Variants in BMERB1 observed in about 807,000 individuals in gnomAD.
BMERB1 encodes bMERB domain-containing protein 1.
BMERB1 carries 12 observed loss-of-function variants against 23.6 expected under a neutral mutation model. The ratio of observed to expected loss-of-function variants is 0.51; its 90% confidence interval spans 0.33 to 0.82. The LOEUF (loss-of-function observed/expected upper bound fraction) is 0.82. Ranked by LOEUF, BMERB1 falls within the 40% of genes least tolerant of loss-of-function variation. The probability of loss-of-function intolerance (pLI) is 0.03; values close to 1 mark genes in which losing one functional copy is unlikely to be tolerated. For synonymous variants in BMERB1, 122 were observed against 96.6 expected (o/e 1.26, Z -1.54); for missense variants, 247 against 255.4 (o/e 0.97, Z 0.22).
chr16:15,506,073 A>T (rs1334139385), intron 1 of BMERB1, among the ~76,000 whole-genome samples: 1 of 151,642 alleles, frequency 6.6e-6, no homozygotes, highest in Non-Finnish European at 1.5e-5. Context: ...CATTTCTACC[A>T]CTCATTATAG....
At chr16:15,462,981 T>G (rs1278361135) in intron 1 of BMERB1, among the ~76,000 whole-genome samples, 1 of 152,178 alleles carries the variant, frequency 6.6e-6, no homozygotes, top group East Asian at 1.9e-4. Flanking sequence ...GCGGAGAGTT[T>G]CAAAAACTGG....
chr16:15,551,891 C>T (rs1429580060), intron 2 of BMERB1, among the ~76,000 whole-genome samples: 1 of 152,140 alleles, frequency 6.6e-6, no homozygotes, highest in Non-Finnish European at 1.5e-5. Context: ...CTCTCTTGAA[C>T]TCCTGCACTC....
intron 3 of BMERB1, among the ~76,000 whole-genome samples, chr16:15,578,665 G>A (rs950409414): frequency 9.9e-5 from 15 of 152,130 alleles, no homozygotes; most frequent in Admixed American, 6.5e-4. Flanking sequence ...GGCAGATACA[G>A]TGCCTGGTGA....
At chr16:15,479,765 G>T (rs1183100203) in intron 1 of BMERB1, among the ~76,000 whole-genome samples, 1 of 151,842 alleles carries the variant, frequency 6.6e-6, no homozygotes, top group African/African-American at 2.4e-5. Flanking sequence ...ACCATGTAAT[G>T]AATTTATAGT....
intron 3 of BMERB1, among the ~76,000 whole-genome samples, chr16:15,569,838 G>A (rs2030679104): frequency 6.6e-6 from 1 of 152,124 alleles, no homozygotes; most frequent in Non-Finnish European, 1.5e-5. Context: ...AATAATGGCA[G>A]TAGTCATTTA....
At chr16:15,508,757 T>G (rs1359354390) in intron 1 of BMERB1, among the ~76,000 whole-genome samples, 1 of 148,060 alleles carries the variant, frequency 6.8e-6, no homozygotes, top group Non-Finnish European at 1.5e-5. Context: ...GCCCGGGAGG[T>G]TGAGGCTGCA....
intron 1 of BMERB1, among the ~76,000 whole-genome samples, chr16:15,451,293 C>T (rs1224313689): frequency 6.6e-6 from 1 of 152,010 alleles, no homozygotes; most frequent in Non-Finnish European, 1.5e-5. Flanking sequence ...CGTGTTCAAA[C>T]GATTCTCCTG....
At chr16:15,532,707 G>A (rs1410002736) in intron 2 of BMERB1, among the ~76,000 whole-genome samples, 3 of 151,438 alleles carry the variant, frequency 2.0e-5, no homozygotes, top group South Asian at 2.1e-4. Flanking sequence ...CACCATGCCC[G>A]GCTAATTTTT....
chr16:15,489,929 C>T (rs1430513300), intron 1 of BMERB1, among the ~76,000 whole-genome samples: 5 of 151,988 alleles, frequency 3.3e-5, no homozygotes, highest in Admixed American at 6.6e-5. Context: ...TGCAGTGGCT[C>T]GATCTCGGCT....
chr16:15,574,149 T>C (rs1363442151), intron 3 of BMERB1, among the ~76,000 whole-genome samples: 1 of 151,512 alleles, frequency 6.6e-6, no homozygotes, highest in Non-Finnish European at 1.5e-5. Flanking sequence ...AGGCACTCTC[T>C]TCACAAGGTG....
At chr16:15,566,627 C>T (rs2030571682) in intron 2 of BMERB1, among the ~76,000 whole-genome samples, 1 of 151,984 alleles carries the variant, frequency 6.6e-6, no homozygotes, top group East Asian at 1.9e-4. Context: ...GATCACACCA[C>T]TGCACTCCAG....
intron 2 of BMERB1, among the ~76,000 whole-genome samples, chr16:15,548,662 A>G (rs531647830): frequency 2.6e-5 from 4 of 152,284 alleles, no homozygotes; most frequent in East Asian, 1.9e-4. Context: ...GGGGCATCCA[A>G]CAGAGATTAC....
intron 2 of BMERB1, among the ~76,000 whole-genome samples, chr16:15,530,318 G>T (rs2051954491): frequency 6.6e-6 from 1 of 152,210 alleles, no homozygotes; most frequent in Admixed American, 6.5e-5. Flanking sequence ...AGGGGCACTT[G>T]TGATGACATT....
intron 3 of BMERB1, among the ~76,000 whole-genome samples, chr16:15,579,527 G>T (rs1010097735): frequency 6.6e-6 from 1 of 152,158 alleles, no homozygotes; most frequent in Admixed American, 6.5e-5. Context: ...CAGAAAAAAT[G>T]ATCAACGTCA....
intron 1 of BMERB1, among the ~76,000 whole-genome samples, chr16:15,473,401 A>C (rs1461464711): frequency 6.7e-6 from 1 of 150,256 alleles, no homozygotes; most frequent in Non-Finnish European, 1.5e-5. Context: ...AGTGCTTCTC[A>C]TGTCTCAGCC....
chr16:15,442,331 A>G (rs1598440521), intron 1 of BMERB1, among the ~76,000 whole-genome samples: 2 of 151,694 alleles, frequency 1.3e-5, no homozygotes, highest in East Asian at 1.9e-4. Flanking sequence ...CACTGTCTCA[A>G]GAAAAAAAAA....
chr16:15,500,668 T>A (rs1230326419), intron 1 of BMERB1, among the ~76,000 whole-genome samples: 1 of 152,210 alleles, frequency 6.6e-6, no homozygotes, highest in Non-Finnish European at 1.5e-5. Flanking sequence ...TTATTTAGTT[T>A]TGAGACGGAG....
intron 1 of BMERB1, among the ~76,000 whole-genome samples, chr16:15,435,322 T>C (rs2050879022): frequency 1.3e-5 from 2 of 152,236 alleles, no homozygotes; most frequent in Non-Finnish European, 2.9e-5. Context: ...CACACCGTTC[T>C]CTTTTCTCTC....
intron 2 of BMERB1, 113 bp from the exon 3 acceptor site, chr16:15,567,870 G>T (rs2030618876): frequency 1.1e-6 from 1 of 878,848 alleles, no homozygotes; most frequent in Non-Finnish European, 1.8e-6. Flanking sequence ...AGCATGTATG[G>T]CCTCTTCAAA....
Sources: allele counts gnomAD v4.1 joint callset (sites outside exome capture counted in the v4.1 genomes callset), GRCh38; gene constraint gnomAD v4.1.1; transcripts MANE v1.5; gene names NCBI Gene and HGNC (gene_info 2026-07-23, HGNC 2026-07-21).